RAB3GAP2: variants seen among roughly 807,000 people sequenced by gnomAD.
RAB3GAP2 encodes RAB3 GTPase activating non-catalytic protein subunit 2.
In RAB3GAP2, 87 loss-of-function variants were observed where a neutral mutation model predicts 185.3. That is an observed-to-expected ratio of 0.47 (90% confidence interval 0.39 to 0.56). The LOEUF (loss-of-function observed/expected upper bound fraction) is 0.56, where lower values mean the gene tolerates loss of function less well. Ranked by LOEUF, RAB3GAP2 falls within the 20% of genes least tolerant of loss-of-function variation. RAB3GAP2 has a pLI of 0.00. For missense variants in RAB3GAP2, 1,492 were observed against 1,638.2 expected (o/e 0.91, Z 1.54); for synonymous variants, 554 against 576.1 (o/e 0.96, Z 0.55).
chr1:220,220,026 C>T (rs1659275827), intron 2 of RAB3GAP2, among the ~76,000 whole-genome samples: 1 of 152,178 alleles, frequency 6.6e-6, no homozygotes, highest in African/African-American at 2.4e-5. Context: ...CTAACACTGC[C>T]CCTTTGAAGC....
intron 2 of RAB3GAP2, among the ~76,000 whole-genome samples, chr1:220,229,446 T>C (rs1323746125): frequency 6.6e-6 from 1 of 152,148 alleles, no homozygotes; most frequent in Non-Finnish European, 1.5e-5. Context: ...GCATAGCACA[T>C]TTTCCTTCTT....
chr1:220,214,086 AT>A (rs1659137687), intron 2 of RAB3GAP2, 107 bp from the exon 3 acceptor site: 1 of 1,126,372 alleles, frequency 8.9e-7, no homozygotes, highest in African/African-American at 1.6e-5. Flanking sequence ...AAAAGGAAAT[AT>A]TTCCAATTCT....
intron 31 of RAB3GAP2, 98 bp downstream of exon 31, chr1:220,157,172 T>A (rs911240840): frequency 3.7e-6 from 4 of 1,066,804 alleles, no homozygotes; most frequent in Non-Finnish European, 5.7e-6. Flanking sequence ...ATTATACCAG[T>A]CACAAAAGTA....
At chr1:220,241,863 A>G (rs569598844) in intron 1 of RAB3GAP2, among the ~76,000 whole-genome samples, 6 of 152,034 alleles carry the variant, frequency 3.9e-5, no homozygotes, top group African/African-American at 1.4e-4. Flanking sequence ...TTTATATATT[A>G]TTTATTTTTT....
At chr1:220,261,666 T>C (rs1368343156) in intron 1 of RAB3GAP2, among the ~76,000 whole-genome samples, 1 of 152,252 alleles carries the variant, frequency 6.6e-6, no homozygotes, top group South Asian at 2.1e-4. Flanking sequence ...ATCTATCTAA[T>C]GGTCACCTGC....
intron 27 of RAB3GAP2, among the ~76,000 whole-genome samples, chr1:220,162,741 TCTG>T (rs1657985434): frequency 6.6e-6 from 1 of 152,140 alleles, no homozygotes; most frequent in Non-Finnish European, 1.5e-5. Flanking sequence ...ACCCGACAAT[TCTG>T]CTGGGTATAT....
At chr1:220,269,917 C>T (rs1382194164) in intron 1 of RAB3GAP2, among the ~76,000 whole-genome samples, 1 of 152,120 alleles carries the variant, frequency 6.6e-6, no homozygotes, top group African/African-American at 2.4e-5. Context: ...AAAATCTGTT[C>T]CTTTTTTCTA....
intron 1 of RAB3GAP2, chr1:220,267,998 A>G: frequency 1.8e-6 from 1 of 543,842 alleles, no homozygotes; most frequent in Non-Finnish European, 3.3e-6. Flanking sequence ...ACACCTCTAT[A>G]ATTCACAAGT....
intron 1 of RAB3GAP2, chr1:220,253,940 G>A (rs1659985812): frequency 3.1e-6 from 5 of 1,613,666 alleles, no homozygotes; most frequent in Non-Finnish European, 4.2e-6. Context: ...GGAGATGGTG[G>A]CAGTACCAGT....
intron 1 of RAB3GAP2, among the ~76,000 whole-genome samples, chr1:220,256,535 T>A (rs1043379641): frequency 2.0e-5 from 3 of 152,072 alleles, no homozygotes; most frequent in African/African-American, 2.4e-5. Context: ...AATAAAAGGA[T>A]GGAGGAAAAT....
chr1:220,170,801 TTC>T, intron 24 of RAB3GAP2, 89 bp downstream of exon 24: 1 of 1,063,222 alleles, frequency 9.4e-7, no homozygotes, highest in Non-Finnish European at 1.4e-6. Flanking sequence ...GAGTGTATTT[TTC>T]TTTCTCTATT....
At chr1:220,193,587 G>A (rs1336893862) in intron 12 of RAB3GAP2, among the ~76,000 whole-genome samples, 1 of 152,130 alleles carries the variant, frequency 6.6e-6, no homozygotes, top group Admixed American at 6.5e-5. Context: ...GTCCTATGTA[G>A]GTTTTCAATA....
intron 2 of RAB3GAP2, among the ~76,000 whole-genome samples, chr1:220,228,103 T>C (rs1052236377): frequency 6.6e-6 from 1 of 152,312 alleles, no homozygotes; most frequent in East Asian, 1.9e-4. Context: ...TAAGTTGACT[T>C]CAAGACATTC....
In RAB3GAP2 at chr1:220,151,446, A is replaced by G. The variant is rs377622173; in HGVS notation, c.4027-40T>C. On this transcript the variant is annotated intron_variant, in intron 34 of 34. Transcript: ENST00000358951. The stretch of plus-strand genomic sequence containing the variant: ...CAAAAATAACCTATTATAGACAACT[A>G]AACAATAATTGTTATTGACTTAAGA... The G allele has an allele frequency of 2.5e-6, 4 of 1,611,694 alleles. No homozygotes were observed. In the African/African-American group the frequency reaches 5.3e-5, roughly 22 times the overall value.
At position 220,190,400 on chromosome 1, in the gene RAB3GAP2, G is replaced by A. The variant is rs756886302; in HGVS notation, c.1608C>T (p.Asn536=). The A allele has an allele frequency of 7.4e-6, 12 of 1,613,956 alleles. No individual in the cohort carries two copies. In the Admixed American group the frequency reaches 1.0e-4, roughly 13 times the overall value. ...DPVSGSVKTV[N]VPFHLALSDK... ...ACCTCAGTGCTAAATGGAAGGGAAC[G>A]TTCACTGTTTTCACACTTCCAGACA... The change falls in exon 15 of 35, where the codon AAC becomes AAT. Residue 536 remains asparagine (N), a synonymous_variant. Transcript: ENST00000358951.
intron 9 of RAB3GAP2, among the ~76,000 whole-genome samples, chr1:220,201,439 T>C (rs763226378): frequency 2.0e-5 from 3 of 152,206 alleles, no homozygotes; most frequent in Non-Finnish European, 4.4e-5. Flanking sequence ...CTTAAAACTG[T>C]ACAATACTGT....
At chr1:220,205,482 G>A (rs1571899904) in intron 8 of RAB3GAP2, among the ~76,000 whole-genome samples, 2 of 152,118 alleles carry the variant, frequency 1.3e-5, no homozygotes, top group East Asian at 3.9e-4. Context: ...GCAATGTAGA[G>A]TCATCAGATT....
chr1:220,210,070 C>T (rs1659050326), intron 7 of RAB3GAP2, among the ~76,000 whole-genome samples: 1 of 152,142 alleles, frequency 6.6e-6, no homozygotes, highest in Admixed American at 6.6e-5. Context: ...CCAAATAAAA[C>T]AAGATATAAG....
chr1:220,253,327 G>T (rs1261096401), intron 1 of RAB3GAP2, among the ~76,000 whole-genome samples: 2 of 152,174 alleles, frequency 1.3e-5, no homozygotes, highest in Admixed American at 1.3e-4. Context: ...GCTGTTTTGT[G>T]GCCTTCACTG....
Sources: allele counts gnomAD v4.1 joint callset (sites outside exome capture counted in the v4.1 genomes callset), GRCh38; gene constraint gnomAD v4.1.1; transcripts MANE v1.5; gene names NCBI Gene and HGNC (gene_info 2026-07-23, HGNC 2026-07-21).